The following LHX3 variants were observed in gnomAD, a reference collection of about 807,000 sequenced individuals.
The protein encoded by LHX3 is LIM homeobox 3, also known as LIM/homeobox protein Lhx3.
In LHX3, 21 loss-of-function variants were observed where a neutral mutation model predicts 32.4. The observed-to-expected ratio is 0.65, with a 90% CI of 0.46 to 0.93. The LOEUF is 0.93. LHX3 is among the 40% of genes least tolerant of loss of function. LHX3 has a pLI of 0.00. For missense variants in LHX3, 626 were observed against 560.0 expected, an observed-to-expected ratio of 1.12 and a Z score of -1.19; for synonymous variants, 258 against 246.8, an observed-to-expected ratio of 1.05 and a Z score of -0.43.
intron 1 of LHX3, among the ~76,000 whole-genome samples, chr9:136,204,366 G>A (rs772154310): frequency 5.3e-5 from 8 of 152,208 alleles, no homozygotes; most frequent in Non-Finnish European, 8.8e-5. Context: ...GGCTGTGCTG[G>A]GTGCAGGTGG....
At chr9:136,203,152 C>A in intron 1 of LHX3, 1 of 1,325,820 alleles carries the variant, frequency 7.5e-7, no homozygotes, top group Non-Finnish European at 9.6e-7. Context: ...TGCTGCTGGG[C>A]GCTGCGCCCG....
rs773654419 is a variant in LHX3 at position 136,198,847 on chromosome 9, G to T, written c.607-27C>A. On this transcript the variant is annotated intron_variant, in intron 4 of 5. Coordinates refer to ENST00000371748, the MANE Select transcript of LHX3 (RefSeq NM_178138.6). ...TGGGGGCGGGGCGGGGTGAGCGGCC[G>T]CCCGGCTCTGCGGGGGCCCCCAAGG... 5 of 1,597,118 alleles carry T rather than the reference G, an allele frequency of 3.1e-6. No homozygotes were observed. In the South Asian group the frequency reaches 3.3e-5, roughly 11 times the overall value.
chr9:136,199,586 G>T, intron 3 of LHX3, 92 bp downstream of exon 3: 1 of 1,378,998 alleles, frequency 7.3e-7, no homozygotes, highest in Non-Finnish European at 1.0e-6. Context: ...GAGCGCTTGG[G>T]GAGAGAATTT....
chr9:136,196,955 T>C lies in LHX3; in HGVS notation c.*370A>G. On this transcript the variant is annotated 3_prime_UTR_variant, in exon 6 of 6. Transcript: ENST00000371748. The stretch of plus-strand genomic sequence containing the variant: ...GCACAATTATGATGATTTCTCAGTT[T>C]TAGAGATGAAAGCGTTTTTCCAGCC... The C allele has an allele frequency of 3.1e-6, 1 of 319,976 alleles. No individual in the cohort carries two copies. The highest frequency in any genetic ancestry group is 7.0e-5 in the East Asian group (1 of 14,324). The allele number at this position is 319,976 out of a possible 1,614,324, so 19.8% of individuals were successfully genotyped here.
rs777331392 is a variant in LHX3 at position 136,199,032 on chromosome 9, C to T, written c.482G>A (p.Arg161His). 3 of 1,579,422 alleles carry T rather than the reference C, an allele frequency of 1.9e-6. No homozygotes were observed. Among genetic ancestry groups the T allele is most frequent in the South Asian group, 1.1e-5 (1 of 87,516 alleles). ...CAGCTGCTTGGCGGTGATGGTCGTG[C>T]GCGGCCGCTTGGCCGTGGCCTCGGC... is the stretch of plus-strand genomic sequence containing the variant. ...REAEATAKRP[R>H]TTITAKQLET... The change falls in exon 4 of 6, where the codon CGC (arginine) becomes CAC (histidine). Residue 161 changes from arginine (R) to histidine (H), a missense_variant. Physicochemically the swap from Arg to His is conservative, Grantham distance 29. Coordinates refer to ENST00000371748, the MANE Select transcript of LHX3 (RefSeq NM_178138.6).
intron 1 of LHX3, chr9:136,203,192 CCGAGCG>C: frequency 8.9e-7 from 1 of 1,128,666 alleles, no homozygotes; most frequent in Non-Finnish European, 1.1e-6. Context: ...GAGCCTCTGG[CCGAGCG>C]GAGGGCGGAG....
rs1213402782 is a variant in LHX3, at chr9:136,197,542, C to T, written c.977G>A (p.Ser326Asn). 1.3e-6 allele frequency: 2 copies of T among 1,528,092 alleles called. No homozygotes were observed. Among genetic ancestry groups the T allele is most frequent in the South Asian group, 2.4e-5 (2 of 82,258 alleles). 94.7% of individuals were successfully genotyped at this position (1,528,092 alleles called of 1,614,324 possible). The change falls in exon 6 of 6, where the codon AGC (serine) becomes AAC (asparagine). Residue 326 changes from serine to asparagine, a missense_variant. Coordinates refer to ENST00000371748, the MANE Select transcript of LHX3 (RefSeq NM_178138.6). The part of the protein sequence containing the change: ...GVPPSPAAPQ[S>N]LPGPQPLLSS... The stretch of plus-strand genomic sequence containing the variant: ...GAGGAGGGGCTGGGGGCCAGGGAGG[C>T]TCTGCGGGGCGGCGGGGGATGGGGG...
Position 136,197,518 on chromosome 9 carries a change from A to G in LHX3, c.1001T>C (p.Leu334Pro), listed in dbSNP as rs1404670504. ...GGTGTCTGGGTACACCAGGCTGGAGAGGAGGGGCTGGGGGCCAGGGAGGCT... is the reference window on the plus strand; with the variant it reads ...GGTGTCTGGGTACACCAGGCTGGAGGGGAGGGGCTGGGGGCCAGGGAGGCT... ...PQSLPGPQPL[L>P]SSLVYPDTSL... The change falls in exon 6 of 6, where the codon CTC becomes CCC. Residue 334 changes from leucine (L) to proline (P), a missense_variant. Transcript: ENST00000371748. 5.9e-6 allele frequency: 9 copies of G among 1,531,002 alleles called. No individual in the cohort carries two copies. Among genetic ancestry groups the G allele is most frequent in the Non-Finnish European group, 7.9e-6 (9 of 1,134,672 alleles). The allele number at this position is 1,531,002 out of a possible 1,614,324, so 94.8% of individuals were successfully genotyped here. A position where few individuals can be genotyped will look rare whatever the true frequency, so the allele number is the denominator to read the frequency against.
In LHX3 at chr9:136,197,224, T is replaced by C; in HGVS notation, c.*101A>G. ...AGGCTCCGAAGGCACCAGCCCTCCC[T>C]TGACGCCCTGGCCCCACTTCCTCGG... On this transcript the variant is annotated 3_prime_UTR_variant, in exon 6 of 6. Transcript: ENST00000371748. 1 of 1,316,946 alleles carries C rather than the reference T, an allele frequency of 7.6e-7. No individual in the cohort carries two copies. Among genetic ancestry groups the C allele is most frequent in the Non-Finnish European group, 1.1e-6 (1 of 932,750 alleles). The allele number at this position is 1,316,946 out of a possible 1,614,324, so 81.6% of individuals were successfully genotyped here. A position where few individuals can be genotyped will look rare whatever the true frequency, so the allele number is the denominator to read the frequency against.
Position 136,199,117 on chromosome 9 carries a change from A to G in LHX3, c.455-58T>C. On this transcript the variant is annotated intron_variant, in intron 3 of 5. Coordinates refer to ENST00000371748, the MANE Select transcript of LHX3 (RefSeq NM_178138.6). ...CCCCTCCGGCCCCGGCCGGACCCCCAGCCCTCCCACCCCGGCCGGCGCGGG... is the reference window on the plus strand; with the variant it reads ...CCCCTCCGGCCCCGGCCGGACCCCCGGCCCTCCCACCCCGGCCGGCGCGGG... 9.3e-6 allele frequency: 10 copies of G among 1,077,546 alleles called. No homozygotes were observed. The South Asian group carries it at 2.8e-4, about 31-fold the overall frequency. The allele number at this position is 1,077,546 out of a possible 1,614,324, so 66.7% of individuals were successfully genotyped here.
intron 1 of LHX3, chr9:136,201,461 C>T: frequency 8.2e-7 from 1 of 1,215,656 alleles, no homozygotes; most frequent in Non-Finnish European, 1.0e-6. Flanking sequence ...CTGCAGGCCC[C>T]CTGGAGGAAC....
At chr9:136,202,416 GGA>G (rs1430944855) in intron 1 of LHX3, among the ~76,000 whole-genome samples, 1 of 152,172 alleles carries the variant, frequency 6.6e-6, no homozygotes. Context: ...TGGGGGGCCT[GGA>G]GAAGAGAGGC....
chr9:136,202,617 C>T (rs905752036), intron 1 of LHX3, among the ~76,000 whole-genome samples: 2 of 152,152 alleles, frequency 1.3e-5, no homozygotes, highest in Non-Finnish European at 2.9e-5. Context: ...CCCTCCTGTC[C>T]CGTGGTCACT....
In LHX3 at chr9:136,200,689, G is replaced by A; in HGVS notation, c.144C>T (p.Asp48=). The change falls in exon 2 of 6, where the codon GAC becomes GAT. Residue 48 remains aspartate (D), a synonymous_variant. Transcript: ENST00000371748. ...TGAGACACTTGCTGTGCCAGTGGCG[G>A]TCCAGAGCCTTGAGGATGAAGCGGT... ...ILDRFILKAL[D]RHWHSKCLKC... The A allele has an allele frequency of 6.2e-7, 1 of 1,613,600 alleles. No individual in the cohort carries two copies. Among genetic ancestry groups the A allele is most frequent in the Non-Finnish European group, 8.5e-7 (1 of 1,180,030 alleles).
rs1564286482 is a variant in LHX3 at position 136,204,995 on chromosome 9, CCCCGTT to C, written c.12_17del (p.Thr5_Gly6del). The C allele has an allele frequency of 1.3e-6, 2 of 1,590,830 alleles. No individual in the cohort carries two copies. Among genetic ancestry groups the C allele is most frequent in the Non-Finnish European group, 1.7e-6 (2 of 1,173,382 alleles). ...CGGGCCTCGCTCGGTCGCGCTCGAG[CCCCGTT>C]TCCAGCAGCATCGCGGCCACCAGGC... On this transcript the variant is annotated inframe_deletion, in exon 1 of 6. Coordinates refer to ENST00000371748, the MANE Select transcript of LHX3 (RefSeq NM_178138.6).
chr9:136,200,543 C>T (rs751813884), intron 2 of LHX3, 39 bp downstream of exon 2: 1 of 1,604,390 alleles, frequency 6.2e-7, no homozygotes, highest in Non-Finnish European at 8.5e-7. Flanking sequence ...GGCAGGCGTG[C>T]CCTCCGCTCC....
At chr9:136,198,613 C>T in intron 5 of LHX3, 39 bp downstream of exon 5, 2 of 1,527,636 alleles carry the variant, frequency 1.3e-6, no homozygotes, top group Non-Finnish European at 1.8e-6. Context: ...CGCCGACGCG[C>T]GCTCGTCCCC....
rs1262832533 is a variant in LHX3, at chr9:136,202,968, C to T, written c.79+1966G>A. ...CACCTCGGCGCAGGTCCGCCCTCCG[C>T]GCCAGCAGTGCTAGCAGCAGGTCGC... On this transcript the variant is annotated intron_variant, in intron 1 of 5. Transcript: ENST00000371748. The T allele has an allele frequency of 2.0e-6, 3 of 1,531,894 alleles. No individual in the cohort carries two copies. Among genetic ancestry groups the T allele is most frequent in the Non-Finnish European group, 2.6e-6 (3 of 1,145,404 alleles). 94.9% of individuals were successfully genotyped at this position (1,531,894 alleles called of 1,614,324 possible).
At chr9:136,199,936 G>A (rs1380620427) in intron 2 of LHX3, 56 bp from the exon 3 acceptor site, 4 of 1,518,866 alleles carry the variant, frequency 2.6e-6, no homozygotes, top group Non-Finnish European at 3.6e-6. Flanking sequence ...ATTTCGCCCC[G>A]AGCGGGTTGG....
Sources: allele counts gnomAD v4.1 joint callset (sites outside exome capture counted in the v4.1 genomes callset), GRCh38; gene constraint gnomAD v4.1.1; transcripts MANE v1.5; gene names NCBI Gene and HGNC (gene_info 2026-07-23, HGNC 2026-07-21).